GXYLT2: variants seen among roughly 807,000 people sequenced by gnomAD.
The protein encoded by GXYLT2 is glycosyltransferase 8 domain containing 4.
Under a neutral mutation model 45.8 loss-of-function variants are expected in GXYLT2, and 53 were observed. The observed-to-expected ratio is 1.16, with a 90% CI of 0.93 to 1.46. GXYLT2 has a LOEUF of 1.46. Among genes scored for constraint, GXYLT2 ranks in the 40% most tolerant of loss-of-function variants. The probability of loss-of-function intolerance (pLI) is 0.00; values close to 1 mark genes in which losing one functional copy is unlikely to be tolerated. For missense variants in GXYLT2, 551 were observed against 544.4 expected (o/e 1.01, Z -0.12); for synonymous variants, 219 against 214.2 (o/e 1.02, Z -0.19).
intron 1 of GXYLT2, among the ~76,000 whole-genome samples, chr3:72,889,851 A>C (rs1461908810): frequency 6.6e-6 from 1 of 150,850 alleles, no homozygotes. Flanking sequence ...ATACAACTAC[A>C]TAATCCACAC....
intron 3 of GXYLT2, among the ~76,000 whole-genome samples, chr3:72,937,921 T>G (rs1359270143): frequency 2.6e-5 from 4 of 152,192 alleles, no homozygotes; most frequent in Non-Finnish European, 1.5e-5. Context: ...ACTCATTTAT[T>G]TTTTCGCTTT....
chr3:72,920,298 C>T (rs1435164869), intron 2 of GXYLT2, among the ~76,000 whole-genome samples: 1 of 151,956 alleles, frequency 6.6e-6, no homozygotes, highest in Non-Finnish European at 1.5e-5. Context: ...CCGCTCCTGG[C>T]TAATTTTTGA....
intron 6 of GXYLT2, among the ~76,000 whole-genome samples, chr3:72,970,362 T>G (rs926154756): frequency 4.0e-5 from 6 of 149,786 alleles, no homozygotes; most frequent in African/African-American, 9.8e-5. Flanking sequence ...AAAAAACCAA[T>G]TAATTAATTA....
intron 1 of GXYLT2, among the ~76,000 whole-genome samples, chr3:72,896,007 A>G (rs1213681691): frequency 6.6e-6 from 1 of 152,230 alleles, no homozygotes; most frequent in Non-Finnish European, 1.5e-5. Flanking sequence ...AGGTGAAATA[A>G]TAATGTACAT....
At chr3:72,897,336 C>A (rs1370865533) in intron 1 of GXYLT2, among the ~76,000 whole-genome samples, 1 of 152,210 alleles carries the variant, frequency 6.6e-6, no homozygotes, top group Non-Finnish European at 1.5e-5. Flanking sequence ...GTGTGGGTGA[C>A]ACTCTCAGGT....
intron 3 of GXYLT2, among the ~76,000 whole-genome samples, chr3:72,936,167 T>G: frequency 6.6e-6 from 1 of 152,096 alleles, no homozygotes; most frequent in Admixed American, 6.6e-5. Flanking sequence ...GGCACGCGCC[T>G]GTAGTCCCAG....
intron 2 of GXYLT2, among the ~76,000 whole-genome samples, chr3:72,921,914 G>A (rs1709839318): frequency 6.6e-6 from 1 of 151,988 alleles, no homozygotes. Flanking sequence ...TGTCTTTTGG[G>A]GTGTTGTTAC....
At chr3:72,910,747 C>G (rs1559730608) in intron 2 of GXYLT2, among the ~76,000 whole-genome samples, 1 of 152,222 alleles carries the variant, frequency 6.6e-6, no homozygotes, top group Non-Finnish European at 1.5e-5. Context: ...CCCCGCCTTT[C>G]ATTCCCTCAG....
chr3:72,939,967 T>C (rs1377508309), intron 3 of GXYLT2, among the ~76,000 whole-genome samples: 2 of 152,164 alleles, frequency 1.3e-5, no homozygotes. Flanking sequence ...GATTACAGAC[T>C]TGAGCCACTG....
At chr3:72,967,490 G>A (rs1014171480) in intron 5 of GXYLT2, 57 bp from the exon 6 acceptor site, 4 of 1,337,758 alleles carry the variant, frequency 3.0e-6, no homozygotes, top group Non-Finnish European at 4.2e-6. Flanking sequence ...CGTGCCACAT[G>A]TGCATGAGAG....
At chr3:72,912,329 T>C (rs540207639) in intron 2 of GXYLT2, among the ~76,000 whole-genome samples, 1 of 152,066 alleles carries the variant, frequency 6.6e-6, no homozygotes, top group Non-Finnish European at 1.5e-5. Flanking sequence ...ATTTTATTTT[T>C]TGTAGAGATG....
chr3:72,934,108 G>T (rs1347900624), intron 3 of GXYLT2, among the ~76,000 whole-genome samples: 4 of 141,912 alleles, frequency 2.8e-5, no homozygotes, highest in African/African-American at 1.1e-4. Context: ...TTGAGACAGG[G>T]TCTTGCTCTG....
At position 72,976,871 on chromosome 3, in the gene GXYLT2, TAC is replaced by T. The variant is rs1223226331; in HGVS notation, c.*1714_*1715del. The stretch of plus-strand genomic sequence containing the variant: ...CAGTCTGTGTAAGATGTATCTTATT[TAC>T]AGAGACATTTTTGAAAATTAAAATA... On this transcript the variant is annotated 3_prime_UTR_variant, in exon 7 of 7. Transcript: ENST00000389617. 6.6e-6 allele frequency: 1 copy of T among 152,228 alleles called. No homozygotes were observed. The highest frequency in any genetic ancestry group is 2.4e-5 in the African/African-American group (1 of 41,458). 9.4% of individuals were successfully genotyped at this position (152,228 alleles called of 1,614,324 possible). A position where few individuals can be genotyped will look rare whatever the true frequency, so the allele number is the denominator to read the frequency against.
At chr3:72,900,923 G>C (rs1445966217) in intron 1 of GXYLT2, among the ~76,000 whole-genome samples, 1 of 152,048 alleles carries the variant, frequency 6.6e-6, no homozygotes, top group Non-Finnish European at 1.5e-5. Flanking sequence ...GGGAGGCCAA[G>C]GTGGGTAGAT....
intron 2 of GXYLT2, among the ~76,000 whole-genome samples, chr3:72,911,830 C>T (rs1316408517): frequency 6.6e-6 from 1 of 151,546 alleles, no homozygotes; most frequent in Admixed American, 6.6e-5. Flanking sequence ...TGCAGTGACA[C>T]AATCATAGCT....
chr3:72,931,754 A>G (rs1477049239), intron 3 of GXYLT2, among the ~76,000 whole-genome samples: 1 of 151,948 alleles, frequency 6.6e-6, no homozygotes, highest in Non-Finnish European at 1.5e-5. Flanking sequence ...AATCCAAGCA[A>G]GCAGAAGGAT....
intron 3 of GXYLT2, among the ~76,000 whole-genome samples, chr3:72,944,059 A>T (rs995340772): frequency 6.6e-6 from 1 of 151,748 alleles, no homozygotes; most frequent in Non-Finnish European, 1.5e-5. Context: ...GTATAGATTA[A>T]TAGTTGATAT....
chr3:72,898,332 C>A (rs193087786), intron 1 of GXYLT2, among the ~76,000 whole-genome samples: 1 of 152,096 alleles, frequency 6.6e-6, no homozygotes. Flanking sequence ...AATATGTAAT[C>A]CTCATCTAAT....
intron 1 of GXYLT2, among the ~76,000 whole-genome samples, chr3:72,892,882 A>G (rs1709208413): frequency 6.6e-6 from 1 of 152,098 alleles, no homozygotes; most frequent in Non-Finnish European, 1.5e-5. Context: ...AATCCCCTCG[A>G]TCACCCTCCA....
Sources: allele counts gnomAD v4.1 joint callset (sites outside exome capture counted in the v4.1 genomes callset), GRCh38; gene constraint gnomAD v4.1.1; transcripts MANE v1.5; gene names NCBI Gene and HGNC (gene_info 2026-07-23, HGNC 2026-07-21).